AMOTL1: variants seen among roughly 807,000 people sequenced by gnomAD.
The protein encoded by AMOTL1 is angiomotin like 1, also known as angiomotin-like protein 1.
In AMOTL1, 45 loss-of-function variants were observed where a neutral mutation model predicts 102.9. The observed-to-expected ratio is 0.44, with a 90% CI of 0.34 to 0.56. The LOEUF is 0.56. AMOTL1 is among the 20% of genes least tolerant of loss of function. The pLI is 0.01. For synonymous variants in AMOTL1, 481 were observed against 484.7 expected, an observed-to-expected ratio of 0.99 and a Z score of 0.10; for missense variants, 1,114 against 1,225.6, an observed-to-expected ratio of 0.91 and a Z score of 1.36.
Position 94,799,737 on chromosome 11 carries a change from C to G in AMOTL1, c.547C>G (p.Gln183Glu). The G allele has an allele frequency of 6.2e-7, 1 of 1,612,514 alleles. No individual in the cohort carries two copies. Among genetic ancestry groups the G allele is most frequent in the Non-Finnish European group, 8.5e-7 (1 of 1,179,128 alleles). ...EKQVRSTQPQ[Q>E]NNEELPTYEE... is the part of the protein sequence containing the mutation. The stretch of plus-strand genomic sequence containing the variant: ...ACAGGTCCGGTCCACGCAGCCTCAG[C>G]AGAACAACGAGGAACTGCCCACTTA... Residue 183 changes from glutamine (Q) to glutamate (E), a missense_variant, in exon 3 of 13, where the codon CAG becomes GAG. Transcript: ENST00000433060. This position sits in a 1 kb window ranked among gnomAD's most constrained non-coding sequence, Gnocchi z 4.5.
At position 94,799,778 on chromosome 11, in the gene AMOTL1, A is replaced by G. The variant is rs780611300; in HGVS notation, c.588A>G (p.Ala196=). ...TGCCCACTTACGAGGAGGCCAAAGC[A>G]CAGTCGCAGTTCTTCAGGGGGCAGC... The part of the protein sequence containing the change: ...EELPTYEEAK[A]QSQFFRGQQQ... The change falls in exon 3 of 13, where the codon GCA becomes GCG. Residue 196 remains alanine, a synonymous_variant. Transcript: ENST00000433060. The surrounding 1 kb of genome is among the most constrained non-coding windows in gnomAD (Gnocchi z 4.5). 8.1e-6 allele frequency: 13 copies of G among 1,605,970 alleles called. No individual in the cohort carries two copies. Among genetic ancestry groups the G allele is most frequent in the South Asian group, 3.3e-5 (3 of 90,190 alleles).
Position 94,872,937 on chromosome 11 carries a change from T to G in AMOTL1, c.*2142T>G, listed in dbSNP as rs1196076538. On this transcript the variant is annotated 3_prime_UTR_variant, in exon 13 of 13. Transcript: ENST00000433060. ...TGAGTTAGGAGATGACAGCTAACTCTCTTAAGGACATTTTGACCCCAGTTT... is the reference window on the plus strand; with the variant it reads ...TGAGTTAGGAGATGACAGCTAACTCGCTTAAGGACATTTTGACCCCAGTTT... The G allele has an allele frequency of 6.6e-6, 1 of 152,180 alleles. No homozygotes were observed. The highest frequency in any genetic ancestry group is 2.4e-5 in the African/African-American group (1 of 41,440). The allele number at this position is 152,180 out of a possible 1,614,324, so 9.4% of individuals were successfully genotyped here.
rs142593274 is a variant in AMOTL1 at position 94,731,512 on chromosome 11, C to G, written c.85+2457C>G. Among the ~76,000 whole-genome samples the G allele has an allele frequency of 1.2e-4, 19 of 152,280 alleles. No individual in the cohort carries two copies. In the East Asian group the frequency reaches 3.5e-3, roughly 28 times the overall value. ...GAGGTGTTGAAGTAGGATGAGGATA[C>G]TGGCACTCGGAGAGGAAGTGTAATG... On this transcript the variant is annotated intron_variant, in intron 2 of 4. Transcript: ENST00000299004.
At chr11:94,756,833 G>T (rs1161180352) in intron 3 of AMOTL1, among the ~76,000 whole-genome samples, 1 of 152,142 alleles carries the variant, frequency 6.6e-6, no homozygotes, top group East Asian at 1.9e-4. Flanking sequence ...TGAGACATGA[G>T]CACATCACCT....
upstream of AMOTL1, among the ~76,000 whole-genome samples, chr11:94,763,652 A>G (rs1950821866): frequency 6.6e-6 from 1 of 152,256 alleles, no homozygotes; most frequent in Non-Finnish European, 1.5e-5. Context: ...TTAATACTGT[A>G]TTCTTACAAT....
chr11:94,758,558 C>CA, intron 3 of AMOTL1, among the ~76,000 whole-genome samples: 1 of 152,272 alleles, frequency 6.6e-6, no homozygotes, highest in African/African-American at 2.4e-5. Flanking sequence ...TGTTTAAAGG[C>CA]AACAAAAGGC....
intron 6 of AMOTL1, among the ~76,000 whole-genome samples, chr11:94,834,910 TTAAG>T (rs1952144600): frequency 6.6e-6 from 1 of 152,220 alleles, no homozygotes; most frequent in African/African-American, 2.4e-5. Context: ...AACTCTGCTC[TTAAG>T]TTAGAGTTTT....
intron 6 of AMOTL1, among the ~76,000 whole-genome samples, chr11:94,843,179 C>T (rs1028200189): frequency 5.3e-5 from 8 of 152,208 alleles, no homozygotes; most frequent in African/African-American, 1.4e-4. Context: ...CTAAGGTCAG[C>T]GTTGTATCAT....
chr11:94,860,079 A>G (rs1247035025), intron 9 of AMOTL1, among the ~76,000 whole-genome samples: 4 of 152,254 alleles, frequency 2.6e-5, no homozygotes, highest in African/African-American at 9.6e-5. Context: ...TTTAAAGTAC[A>G]TAACACAGTG....
At chr11:94,734,926 T>C (rs908585208) in intron 2 of AMOTL1, among the ~76,000 whole-genome samples, 18 of 152,252 alleles carry the variant, frequency 1.2e-4, no homozygotes, top group African/African-American at 2.9e-4. Context: ...CTTGTTATTA[T>C]GGCATTTGTG....
At chr11:94,792,370 TGAC>T (rs1345614911) in intron 1 of AMOTL1, among the ~76,000 whole-genome samples, 1 of 152,150 alleles carries the variant, frequency 6.6e-6, no homozygotes, top group Non-Finnish European at 1.5e-5. Flanking sequence ...CTAATGTAAA[TGAC>T]GAGTTAATGG....
chr11:94,800,463 A>T (rs1951457131), intron 3 of AMOTL1, among the ~76,000 whole-genome samples, 152 bp downstream of exon 3: 1 of 152,144 alleles, frequency 6.6e-6, no homozygotes, highest in Non-Finnish European at 1.5e-5. Context: ...GCCAGAATAT[A>T]TAGGGTGAAA....
upstream of AMOTL1, among the ~76,000 whole-genome samples, chr11:94,765,078 C>T (rs1950839703): frequency 6.6e-6 from 1 of 152,200 alleles, no homozygotes; most frequent in Non-Finnish European, 1.5e-5. Context: ...ACTGGAACAT[C>T]CTGGTACTCG....
In AMOTL1 at chr11:94,800,340, G is replaced by A. The variant is rs752278897; in HGVS notation, c.1121+29G>A. 1.3e-5 allele frequency: 20 copies of A among 1,535,872 alleles called. No homozygotes were observed. The South Asian group carries it at 1.5e-4, about 12-fold the overall frequency. ...ATTATCAACTGCAGACGTTTCGTGC[G>A]GCTTTTCAAAATTCAATAGTCATGT... On this transcript the variant is annotated intron_variant, in intron 3 of 12. Transcript: ENST00000433060.
intron 6 of AMOTL1, among the ~76,000 whole-genome samples, chr11:94,838,174 TC>T (rs1446641009): frequency 6.6e-6 from 1 of 152,138 alleles, no homozygotes; most frequent in Non-Finnish European, 1.5e-5. Flanking sequence ...TTTTCTATCT[TC>T]CCCCACTAAA....
At chr11:94,717,097 A>G (rs1950110239) in intron 1 of AMOTL1, among the ~76,000 whole-genome samples, 2 of 152,062 alleles carry the variant, frequency 1.3e-5, no homozygotes, top group South Asian at 4.2e-4. Flanking sequence ...TATGGGAGAT[A>G]AAAAGAAAAC....
intron 4 of AMOTL1, among the ~76,000 whole-genome samples, chr11:94,822,992 T>C (rs1951896333): frequency 6.6e-6 from 1 of 151,988 alleles, no homozygotes; most frequent in Non-Finnish European, 1.5e-5. Flanking sequence ...AGCGTAGGAG[T>C]GTAAACCCCA....
At chr11:94,725,235 G>A (rs1186471314) in intron 1 of AMOTL1, among the ~76,000 whole-genome samples, 1 of 152,124 alleles carries the variant, frequency 6.6e-6, no homozygotes, top group African/African-American at 2.4e-5. Context: ...AAGCTGAAGT[G>A]TGAGAAGACG....
chr11:94,751,364 C>A (rs992956063), intron 3 of AMOTL1, among the ~76,000 whole-genome samples: 4 of 151,988 alleles, frequency 2.6e-5, no homozygotes, highest in African/African-American at 9.7e-5. Context: ...CCATTCATTC[C>A]TATGTATTGC....
Sources: gnomAD v4.1 joint callset for allele counts (sites outside exome capture counted in the v4.1 genomes callset) on GRCh38, gnomAD v4.1.1 for gene constraint, Gnocchi (gnomAD v3.1) non-coding constraint, MANE v1.5 for transcripts, NCBI Gene and HGNC (gene_info 2026-07-23, HGNC 2026-07-21) for gene names.